PCDH11X: variants seen among roughly 807,000 people sequenced by gnomAD.
PCDH11X encodes protocadherin 11 X-linked.
PCDH11X carries 18 observed loss-of-function variants against 53.3 expected under a neutral mutation model. The observed-to-expected ratio is 0.34, with a 90% CI of 0.23 to 0.50. PCDH11X has a LOEUF of 0.50. PCDH11X is among the 20% of genes least tolerant of loss of function. The pLI is 0.98. For synonymous variants in PCDH11X, 279 were observed against 393.3 expected (o/e 0.71, Z 3.44); for missense variants, 570 against 1,032.4 (o/e 0.55, Z 6.14).
At chrX:91,785,779 A>G (rs1373654782) in intron 1 of PCDH11X, among the ~76,000 whole-genome samples, 1 of 107,125 alleles carries the variant, frequency 9.3e-6, no homozygotes, top group Non-Finnish European at 1.9e-5. Context: ...GTCATATTTG[A>G]AATGGTGTTA....
intron 9 of PCDH11X, among the ~76,000 whole-genome samples, chrX:92,461,431 A>T (rs1386127027): frequency 7.2e-5 from 8 of 111,328 alleles, no homozygotes; most frequent in Non-Finnish European, 1.1e-4. Flanking sequence ...CATTTTTGAC[A>T]AAGGCGCCAG....
At position 92,487,593 on chromosome X, in the gene PCDH11X, C is replaced by T. The variant is rs1434328645; in HGVS notation, c.3367+19271C>T. Among the ~76,000 whole-genome samples the T allele has an allele frequency of 4.5e-5, 5 of 110,493 alleles. No individual in the cohort carries two copies. In the East Asian group the frequency reaches 1.4e-3, roughly 32 times the overall value. ...GTTGTTAAATCTTCCATTAGAAATT[C>T]TGAGCCTTTACTCTGTGTCAGGCCT... On this transcript the variant is annotated intron_variant, in intron 10 of 10. Coordinates refer to ENST00000682573, the MANE Select transcript of PCDH11X (RefSeq NM_032968.5).
intron 6 of PCDH11X, among the ~76,000 whole-genome samples, chrX:91,919,656 A>G (rs1469980162): frequency 9.0e-6 from 1 of 111,523 alleles, no homozygotes; most frequent in African/African-American, 3.3e-5. Flanking sequence ...AGAAATAACC[A>G]TTAGAAAGTT....
chrX:92,468,279 T>C lies in PCDH11X; in HGVS notation c.3344-20T>C. The C allele has an allele frequency of 9.0e-7, 1 of 1,109,023 alleles. No individual in the cohort carries two copies. The highest frequency in any genetic ancestry group is 1.2e-6 in the Non-Finnish European group (1 of 828,646). The allele number at this position is 1,109,023 out of a possible 1,213,427, so 91.4% of individuals were successfully genotyped here. A position where few individuals can be genotyped will look rare whatever the true frequency, so the allele number is the denominator to read the frequency against. On this transcript the variant is annotated intron_variant, in intron 9 of 10. Coordinates refer to ENST00000682573, the MANE Select transcript of PCDH11X (RefSeq NM_032968.5). The stretch of plus-strand genomic sequence containing the variant: ...GAGAAAATATTTATTGTGTTTAACT[T>C]TATTAAAATTTCTTTTTAGCTTTCA...
intron 1 of PCDH11X, among the ~76,000 whole-genome samples, chrX:91,784,441 C>T (rs1935263605): frequency 8.9e-6 from 1 of 112,270 alleles, no homozygotes; most frequent in Admixed American, 9.4e-5. Flanking sequence ...TTTTACTCAT[C>T]TCAGTTTCCC....
intron 8 of PCDH11X, among the ~76,000 whole-genome samples, chrX:92,387,273 T>G (rs997677227): frequency 1.8e-5 from 2 of 112,038 alleles, no homozygotes; most frequent in African/African-American, 6.5e-5. Context: ...TTTCTAAGCC[T>G]ACATGATTGA....
At chrX:91,851,447 A>T (rs1938004568) in intron 5 of PCDH11X, among the ~76,000 whole-genome samples, 1 of 111,646 alleles carries the variant, frequency 9.0e-6, no homozygotes, top group African/African-American at 3.2e-5. Context: ...TCTTTTCCAT[A>T]TTTTTAGTTG....
chrX:92,071,510 A>G (rs1307937503), intron 6 of PCDH11X, among the ~76,000 whole-genome samples: 4 of 111,040 alleles, frequency 3.6e-5, no homozygotes, highest in Non-Finnish European at 3.8e-5. Context: ...GATGGTATTG[A>G]TATTTGTAAG....
chrX:92,503,204 A>G (rs2073991876), intron 10 of PCDH11X, among the ~76,000 whole-genome samples: 1 of 104,639 alleles, frequency 9.6e-6, no homozygotes, highest in African/African-American at 3.5e-5. Flanking sequence ...CAGAATGGCT[A>G]TTACTAAAAT....
intron 10 of PCDH11X, among the ~76,000 whole-genome samples, chrX:92,537,968 C>A (rs1381719831): frequency 2.0e-5 from 2 of 99,752 alleles, no homozygotes; most frequent in African/African-American, 7.3e-5. Flanking sequence ...TCTGTTTTAC[C>A]GATTTGGATG....
chrX:92,203,935 C>A (rs1466175558), intron 7 of PCDH11X, among the ~76,000 whole-genome samples: 1 of 112,306 alleles, frequency 8.9e-6, no homozygotes, highest in Admixed American at 9.4e-5. Flanking sequence ...TTATCACCTG[C>A]AGCCCCAACA....
intron 8 of PCDH11X, among the ~76,000 whole-genome samples, chrX:92,370,705 G>A (rs1229582211): frequency 3.6e-5 from 4 of 111,082 alleles, no homozygotes; most frequent in African/African-American, 6.5e-5. Context: ...TGATCCGCCC[G>A]CCTCAGCCTC....
intron 10 of PCDH11X, among the ~76,000 whole-genome samples, chrX:92,563,389 G>T (rs1353892351): frequency 9.3e-6 from 1 of 107,902 alleles, no homozygotes; most frequent in Admixed American, 1.0e-4. Context: ...TTCCCCCATG[G>T]TTCAATCACC....
intron 6 of PCDH11X, among the ~76,000 whole-genome samples, chrX:92,142,708 TA>T (rs1359808393): frequency 9.0e-6 from 1 of 111,272 alleles, no homozygotes; most frequent in Non-Finnish European, 1.9e-5. Context: ...ATTTTACAAA[TA>T]CGGGTAACTT....
intron 6 of PCDH11X, among the ~76,000 whole-genome samples, chrX:91,916,972 G>A (rs1410450518): frequency 1.8e-5 from 2 of 111,365 alleles, no homozygotes; most frequent in Non-Finnish European, 3.8e-5. Flanking sequence ...CCATGATCAC[G>A]TGGGTTTTAT....
At chrX:91,956,566 T>C (rs199666220) in intron 6 of PCDH11X, among the ~76,000 whole-genome samples, 10,121 of 106,800 alleles carry the variant, frequency 0.095, 618 homozygotes, top group African/African-American at 0.19. Context: ...TCTTCAAGAA[T>C]GTTGAATATT....
chrX:91,963,634 G>A (rs111311881), intron 6 of PCDH11X, among the ~76,000 whole-genome samples: 1,889 of 110,984 alleles, frequency 0.017, 37 homozygotes, highest in African/African-American at 0.058. Context: ...TTCCAAAATC[G>A]CTTCCACATT....
intron 8 of PCDH11X, among the ~76,000 whole-genome samples, chrX:92,319,276 T>G (rs2069146341): frequency 8.9e-6 from 1 of 112,151 alleles, no homozygotes; most frequent in Admixed American, 9.5e-5. Context: ...GGTCATTTAT[T>G]ATATATGTGT....
chrX:92,459,036 A>G (rs1324806475), intron 9 of PCDH11X, among the ~76,000 whole-genome samples: 1 of 108,365 alleles, frequency 9.2e-6, no homozygotes, highest in African/African-American at 3.4e-5. Context: ...CCTTGCCAGA[A>G]TTTGTGATTG....
Sources: allele counts gnomAD v4.1 joint callset (sites outside exome capture counted in the v4.1 genomes callset), GRCh38; gene constraint gnomAD v4.1.1; transcripts MANE v1.5; gene names NCBI Gene and HGNC (gene_info 2026-07-23, HGNC 2026-07-21).